Variants in ATRNL1 observed in about 807,000 individuals in gnomAD.
ATRNL1 encodes attractin like 1.
A neutral mutation model predicts 182.7 loss-of-function variants in ATRNL1; 95 were observed. That is an observed-to-expected ratio of 0.52 (90% CI 0.44 to 0.62). The LOEUF is 0.62. Among genes scored for constraint, ATRNL1 ranks in the 20% least tolerant of loss-of-function variants. The pLI, the probability that ATRNL1 is intolerant of heterozygous loss-of-function variation, is 0.00. For missense variants in ATRNL1, 1,471 were observed against 1,679.5 expected (o/e 0.88, Z 2.17); for synonymous variants, 576 against 568.3 (o/e 1.01, Z -0.19).
intron 26 of ATRNL1, among the ~76,000 whole-genome samples, chr10:115,567,411 G>A (rs1397537539): frequency 6.6e-6 from 1 of 151,984 alleles, no homozygotes; most frequent in Non-Finnish European, 1.5e-5. Context: ...TTGTCCTGAA[G>A]ATTAATTCAA....
intron 25 of ATRNL1, among the ~76,000 whole-genome samples, chr10:115,544,026 T>C (rs1417283659): frequency 6.6e-6 from 1 of 152,142 alleles, no homozygotes; most frequent in Non-Finnish European, 1.5e-5. Flanking sequence ...AAAGCCCAAT[T>C]ATTCCCCCAT....
At chr10:115,147,097 T>A (rs79789862) in intron 5 of ATRNL1, among the ~76,000 whole-genome samples, 1,782 of 152,210 alleles carry the variant, frequency 0.012, 32 homozygotes, top group African/African-American at 0.039. Flanking sequence ...ACCAACACTG[T>A]ATTAAGAGTT....
chr10:115,694,910 A>G lies in ATRNL1; in HGVS notation c.3796-32338A>G, dbSNP rs1034177092. Among the ~76,000 whole-genome samples the G allele has an allele frequency of 1.6e-4, 22 of 134,562 alleles. No homozygotes were observed. In the East Asian group the frequency reaches 3.8e-3, roughly 23 times the overall value. 88.3% of individuals were successfully genotyped at this position (134,562 alleles called of 152,430 possible). On this transcript the variant is annotated intron_variant, in intron 26 of 28. Transcript: ENST00000355044. ...TTTTTTTTTTTACAAATGTTATAAA[A>G]TCACACACACACACACACACATGCA...
intron 21 of ATRNL1, among the ~76,000 whole-genome samples, chr10:115,437,945 G>A (rs584030): frequency 0.7 from 106,718 of 151,714 alleles, 38,589 homozygotes; most frequent in African/African-American, 0.78. Context: ...ATTAAGCTTA[G>A]TTAACTTGTA....
chr10:115,886,796 A>G (rs562238805), intron 28 of ATRNL1, among the ~76,000 whole-genome samples: 1 of 152,308 alleles, frequency 6.6e-6, no homozygotes, highest in African/African-American at 2.4e-5. Context: ...TTTGGGTTAC[A>G]TTGTCCTCAT....
chr10:115,369,367 C>T (rs561820679), intron 19 of ATRNL1, among the ~76,000 whole-genome samples: 37 of 151,362 alleles, frequency 2.4e-4, no homozygotes, highest in Non-Finnish European at 4.3e-4. Flanking sequence ...TCTGTGAAGG[C>T]GATGGGATTC....
chr10:115,508,878 T>G (rs782483376), intron 24 of ATRNL1, among the ~76,000 whole-genome samples: 12 of 152,014 alleles, frequency 7.9e-5, no homozygotes, highest in African/African-American at 2.9e-4. Flanking sequence ...AATAACAGAT[T>G]CTCAATGTAT....
intron 21 of ATRNL1, among the ~76,000 whole-genome samples, chr10:115,450,326 G>T (rs1477105035): frequency 6.6e-6 from 1 of 152,136 alleles, no homozygotes; most frequent in African/African-American, 2.4e-5. Context: ...CAAATAGGAA[G>T]AGAGGAAGTC....
intron 19 of ATRNL1, among the ~76,000 whole-genome samples, chr10:115,379,602 T>G (rs1200204608): frequency 2.0e-5 from 3 of 152,214 alleles, no homozygotes; most frequent in Non-Finnish European, 4.4e-5. Context: ...CTTTGCAGAT[T>G]AATATTAAAA....
At chr10:115,179,729 T>C (rs1292702966) in intron 8 of ATRNL1, among the ~76,000 whole-genome samples, 2 of 152,110 alleles carry the variant, frequency 1.3e-5, no homozygotes, top group Non-Finnish European at 1.5e-5. Flanking sequence ...ACTTTATTAG[T>C]GGATAAAAAT....
intron 9 of ATRNL1, among the ~76,000 whole-genome samples, chr10:115,217,614 T>G (rs781995932): frequency 1.9e-4 from 29 of 152,188 alleles, no homozygotes; most frequent in Non-Finnish European, 3.1e-4. Context: ...TGTTAAATTT[T>G]CCATGATTTT....
chr10:115,362,287 G>A (rs536442077), intron 19 of ATRNL1, among the ~76,000 whole-genome samples: 1 of 151,826 alleles, frequency 6.6e-6, no homozygotes, highest in African/African-American at 2.4e-5. Context: ...TGGGCTTAGA[G>A]CTATAAATAA....
At chr10:115,474,879 C>T (rs1315355205) in intron 24 of ATRNL1, among the ~76,000 whole-genome samples, 1 of 151,368 alleles carries the variant, frequency 6.6e-6, no homozygotes, top group African/African-American at 2.4e-5. Flanking sequence ...AAGGCATTGA[C>T]ATCACCCAGG....
chr10:115,902,943 C>T lies in ATRNL1; in HGVS notation c.4019-41715C>T, dbSNP rs150338240. ...TAATTTTCAAGGAAGCCCAGCTGTC[C>T]GTGTCAAGCTGATCTTTTGACACAT... On this transcript the variant is annotated intron_variant, in intron 28 of 28. Transcript: ENST00000355044. 1.2e-4 allele frequency among the ~76,000 whole-genome samples: 19 copies of T among 152,266 alleles called. No individual in the cohort carries two copies. In the East Asian group the frequency reaches 2.1e-3, roughly 17 times the overall value.
At chr10:115,400,903 T>C (rs677575) in intron 20 of ATRNL1, among the ~76,000 whole-genome samples, 57,831 of 151,822 alleles carry the variant, frequency 0.38, 12,183 homozygotes, top group African/African-American at 0.57. Flanking sequence ...CGGTTTGCCT[T>C]TCTATGTCTT....
chr10:115,184,335 A>G (rs1554888359), intron 8 of ATRNL1, among the ~76,000 whole-genome samples: 2 of 151,122 alleles, frequency 1.3e-5, no homozygotes, highest in African/African-American at 2.4e-5. Context: ...CGTGCACACT[A>G]TCTCCAGTGC....
At chr10:115,910,791 G>T (rs1432348864) in intron 28 of ATRNL1, among the ~76,000 whole-genome samples, 2 of 152,160 alleles carry the variant, frequency 1.3e-5, no homozygotes, top group Non-Finnish European at 2.9e-5. Flanking sequence ...ACAAAGAAAT[G>T]AGAGTAACCC....
intron 9 of ATRNL1, among the ~76,000 whole-genome samples, chr10:115,228,459 A>C (rs1438240298): frequency 3.3e-5 from 5 of 152,192 alleles, no homozygotes; most frequent in African/African-American, 1.2e-4. Context: ...TTGTTAAATG[A>C]GGCATCTCAT....
chr10:115,352,479 T>G (rs922261688), intron 19 of ATRNL1, among the ~76,000 whole-genome samples: 2 of 152,198 alleles, frequency 1.3e-5, no homozygotes, highest in Non-Finnish European at 1.5e-5. Context: ...GATTCTATTT[T>G]TATTTGTTTC....
Sources: allele counts gnomAD v4.1 joint callset (sites outside exome capture counted in the v4.1 genomes callset), GRCh38; gene constraint gnomAD v4.1.1; transcripts MANE v1.5; gene names NCBI Gene and HGNC (gene_info 2026-07-23, HGNC 2026-07-21).